The following SLC26A7 variants were observed in gnomAD, a reference collection of about 807,000 sequenced individuals.
The protein encoded by SLC26A7 is anion exchange transporter.
SLC26A7 carries 59 observed loss-of-function variants against 82.5 expected under a neutral mutation model. That is an observed-to-expected ratio of 0.72 (90% confidence interval 0.58 to 0.89). The LOEUF (loss-of-function observed/expected upper bound fraction) is 0.89, where lower values mean the gene tolerates loss of function less well. Among genes scored for constraint, SLC26A7 ranks in the 40% least tolerant of loss-of-function variants. SLC26A7 has a pLI of 0.00. For missense variants in SLC26A7, 820 were observed against 793.0 expected (o/e 1.03, Z -0.41); for synonymous variants, 271 against 274.3 (o/e 0.99, Z 0.12).
At chr8:91,245,334 G>C (rs1410325592), upstream of SLC26A7, among the ~76,000 whole-genome samples, 1 of 152,120 alleles carries the variant, frequency 6.6e-6, no homozygotes, top group Non-Finnish European at 1.5e-5. Context: ...TTAGAAATCG[G>C]AAGAATTAAA....
At chr8:91,308,999 A>G (rs1812401533) in intron 4 of SLC26A7, among the ~76,000 whole-genome samples, 2 of 152,132 alleles carry the variant, frequency 1.3e-5, no homozygotes, top group African/African-American at 2.4e-5. Flanking sequence ...TTTATTAGAG[A>G]AAGCTGTTAG....
chr8:91,340,472 C>A lies in SLC26A7; in HGVS notation c.947C>A (p.Ala316Glu). The A allele has an allele frequency of 6.2e-7, 1 of 1,613,924 alleles. No individual in the cohort carries two copies. The highest frequency in any genetic ancestry group is 8.5e-7 in the Non-Finnish European group (1 of 1,179,936). ...GTGATCACTGAAGCTTTCGGAGTGG[C>A]ACTTGTAGGCTATGTGGCCTCACTG... is the stretch of plus-strand genomic sequence containing the variant. Reference protein sequence around the residue: ...SAVITEAFGVALVGYVASLAL... With the variant: ...SAVITEAFGVELVGYVASLAL... Residue 316 changes from alanine to glutamate, a missense_variant, in exon 8 of 19, where the codon GCA (alanine) becomes GAA (glutamate). By Grantham distance (107) the Ala-to-Glu change is moderately radical (BLOSUM62 -1). Coordinates refer to ENST00000276609, the MANE Select transcript of SLC26A7 (RefSeq NM_052832.4).
intron 2 of SLC26A7, among the ~76,000 whole-genome samples, chr8:91,279,123 G>GTATATATA (rs1223990677): frequency 2.5e-5 from 2 of 78,762 alleles, no homozygotes; most frequent in African/African-American, 1.1e-4. Flanking sequence ...GTGTGTGTGT[G>GTATATATA]TGTATATATA....
At chr8:91,358,662 A>G (rs1813953334) in intron 11 of SLC26A7, among the ~76,000 whole-genome samples, 1 of 152,090 alleles carries the variant, frequency 6.6e-6, no homozygotes. Context: ...ACTACTCACA[A>G]TAGCAAAGAC....
rs528633821 is a variant in SLC26A7 at position 91,398,091 on chromosome 8, A to G, written c.*2994A>G. 1 of 152,658 alleles carries G rather than the reference A, an allele frequency of 6.6e-6. No individual in the cohort carries two copies. Among genetic ancestry groups the G allele is most frequent in the South Asian group, 2.1e-4 (1 of 4,824 alleles). 9.5% of individuals were successfully genotyped at this position (152,658 alleles called of 1,614,324 possible). ...TATCTTTTTTATAATTCTTTGTACTAACTCAGCATGTAACAACCAATTTAC... is the reference window on the plus strand; with the variant it reads ...TATCTTTTTTATAATTCTTTGTACTGACTCAGCATGTAACAACCAATTTAC... On this transcript the variant is annotated 3_prime_UTR_variant, in exon 19 of 19. Transcript: ENST00000276609.
chr8:91,367,424 T>C (rs1814227518), intron 14 of SLC26A7, among the ~76,000 whole-genome samples: 1 of 152,244 alleles, frequency 6.6e-6, no homozygotes, highest in East Asian at 1.9e-4. Context: ...AATTTTATTA[T>C]AATGTTCCAG....
intron 1 of SLC26A7, among the ~76,000 whole-genome samples, chr8:91,209,889 A>G (rs1809875355): frequency 6.6e-6 from 1 of 152,188 alleles, no homozygotes; most frequent in South Asian, 2.1e-4. Flanking sequence ...TGCTTTTTAC[A>G]TATTTTTTTC....
At chr8:91,340,683 A>C in intron 8 of SLC26A7, 132 bp downstream of exon 8, 1 of 1,066,542 alleles carries the variant, frequency 9.4e-7, no homozygotes, top group Non-Finnish European at 1.4e-6. Context: ...TGAACAAAAA[A>C]AAAGAAAAAT....
chr8:91,365,990 T>A lies in SLC26A7; in HGVS notation c.1489-590T>A, dbSNP rs548186500. ...AAGCGGACATGTTTTGTGTCAAAAC[T>A]TTTCCTTCTTCCTTTCTATATTGCT... On this transcript the variant is annotated intron_variant, in intron 13 of 18. Transcript: ENST00000276609. 1.4e-4 allele frequency among the ~76,000 whole-genome samples: 22 copies of A among 152,302 alleles called. No homozygotes were observed. In the East Asian group the frequency reaches 4.2e-3, roughly 29 times the overall value.
intron 4 of SLC26A7, among the ~76,000 whole-genome samples, chr8:91,317,269 T>A (rs1355470764): frequency 6.6e-6 from 1 of 152,174 alleles, no homozygotes; most frequent in South Asian, 2.1e-4. Context: ...ATGATGATTC[T>A]GCCTGGTCAT....
Position 91,314,125 on chromosome 8 carries a change from A to G in SLC26A7, c.478-4091A>G, listed in dbSNP as rs866897775. On this transcript the variant is annotated intron_variant, in intron 4 of 18. Transcript: ENST00000276609. ...TATATTGTATGAAATTAATTTCCTC[A>G]TGAAATATGGCATGGCCAGGATTTT... 3.3e-5 allele frequency among the ~76,000 whole-genome samples: 5 copies of G among 152,318 alleles called. No individual in the cohort carries two copies. In the Middle Eastern group the frequency reaches 0.014, roughly 414 times the overall value.
chr8:91,351,972 C>G, intron 10 of SLC26A7, 85 bp downstream of exon 10: 1 of 1,007,974 alleles, frequency 9.9e-7, no homozygotes, highest in African/African-American at 1.6e-5. Context: ...GAAGTATAAC[C>G]TCAACAATCC....
intron 4 of SLC26A7, among the ~76,000 whole-genome samples, chr8:91,310,745 C>G (rs1586393714): frequency 6.6e-6 from 1 of 152,024 alleles, no homozygotes; most frequent in African/African-American, 2.4e-5. Context: ...GCTCCCCTCC[C>G]AAGTGCTAGC....
At chr8:91,344,666 A>C (rs1310815614) in intron 9 of SLC26A7, among the ~76,000 whole-genome samples, 1 of 152,214 alleles carries the variant, frequency 6.6e-6, no homozygotes, top group Admixed American at 6.5e-5. Flanking sequence ...ATCTATTGTA[A>C]TTTGACAAAT....
In SLC26A7 at chr8:91,393,843, A is replaced by G; in HGVS notation, c.1823A>G (p.His608Arg). ...KGRSVDVLLA[H>R]CTASLIKAMT... ...AGGAGTGTGGATGTATTGTTAGCCC[A>G]TTGTACAGGTAAGAGAATGTCCCTG... The change falls in exon 17 of 19, where the codon CAT becomes CGT. Residue 608 changes from histidine (H) to arginine (R), a missense_variant. Coordinates refer to ENST00000276609, the MANE Select transcript of SLC26A7 (RefSeq NM_052832.4). The G allele has an allele frequency of 6.2e-7, 1 of 1,613,702 alleles. No individual in the cohort carries two copies.
At chr8:91,337,075 A>G (rs1330679705) in intron 6 of SLC26A7, among the ~76,000 whole-genome samples, 1 of 152,168 alleles carries the variant, frequency 6.6e-6, no homozygotes, top group Admixed American at 6.6e-5. Flanking sequence ...AATTTTAACA[A>G]TATCACCTTT....
At chr8:91,243,975 T>G (rs978348267) in intron 2 of SLC26A7, among the ~76,000 whole-genome samples, 1 of 152,184 alleles carries the variant, frequency 6.6e-6, no homozygotes, top group African/African-American at 2.4e-5. Flanking sequence ...GAACTTAGTA[T>G]GTGTAGTTGC....
intron 1 of SLC26A7, among the ~76,000 whole-genome samples, chr8:91,213,029 A>C (rs566233571): frequency 2.0e-5 from 3 of 151,892 alleles, no homozygotes; most frequent in Non-Finnish European, 4.4e-5. Context: ...TGTATCTATA[A>C]TTTTTTTTCT....
intron 2 of SLC26A7, among the ~76,000 whole-genome samples, chr8:91,253,196 G>A (rs1277794577): frequency 6.6e-6 from 1 of 152,116 alleles, no homozygotes; most frequent in African/African-American, 2.4e-5. Context: ...CAGCAAATGA[G>A]TGGAAGAGGT....
Sources: gnomAD v4.1 joint callset for allele counts (sites outside exome capture counted in the v4.1 genomes callset) on GRCh38, gnomAD v4.1.1 for gene constraint, MANE v1.5 for transcripts, NCBI Gene and HGNC (gene_info 2026-07-23, HGNC 2026-07-21) for gene names.